Variants in EEFSEC observed in about 807,000 individuals in gnomAD.
EEFSEC encodes the protein eukaryotic elongation factor, selenocysteine-tRNA specific, also known as selenocysteine-specific elongation factor.
Under a neutral mutation model 42.1 loss-of-function variants are expected in EEFSEC, and 43 were observed. The observed-to-expected ratio is 1.02, with a 90% CI of 0.80 to 1.32. The LOEUF (loss-of-function observed/expected upper bound fraction) is 1.32. Among genes scored for constraint, EEFSEC ranks in the 40% most tolerant of loss-of-function variants. The pLI, the probability that EEFSEC is intolerant of heterozygous loss-of-function variation, is 0.00. For missense variants in EEFSEC, 745 were observed against 803.6 expected (o/e 0.93, Z 0.88); for synonymous variants, 354 against 339.1 (o/e 1.04, Z -0.48).
intron 1 of EEFSEC, among the ~76,000 whole-genome samples, chr3:128,225,460 G>C (rs2065899249): frequency 6.6e-6 from 1 of 152,232 alleles, no homozygotes; most frequent in South Asian, 2.1e-4. Context: ...TGCACTCGCT[G>C]TGTGTTTTGA....
chr3:128,198,228 A>G (rs542354055), intron 1 of EEFSEC, among the ~76,000 whole-genome samples: 2 of 152,318 alleles, frequency 1.3e-5, no homozygotes, highest in African/African-American at 2.4e-5. Context: ...CTATTTTTAC[A>G]TAGCTCTGGA....
intron 5 of EEFSEC, among the ~76,000 whole-genome samples, chr3:128,344,303 G>A (rs568062036): frequency 5.3e-5 from 8 of 152,286 alleles, no homozygotes; most frequent in African/African-American, 7.2e-5. Flanking sequence ...TTTTGAAACC[G>A]TTTAATAACC....
At chr3:128,255,168 C>T (rs2066228767) in intron 2 of EEFSEC, among the ~76,000 whole-genome samples, 1 of 152,052 alleles carries the variant, frequency 6.6e-6, no homozygotes, top group Non-Finnish European at 1.5e-5. Context: ...GGGGCTGTGG[C>T]CCTCATGGTC....
At chr3:128,267,981 A>G (rs1341004564) in intron 4 of EEFSEC, among the ~76,000 whole-genome samples, 1 of 152,270 alleles carries the variant, frequency 6.6e-6, no homozygotes, top group Non-Finnish European at 1.5e-5. Context: ...TTCTACAGAC[A>G]AGAAACAGGC....
At chr3:128,386,040 G>T (rs1280193004) in intron 6 of EEFSEC, among the ~76,000 whole-genome samples, 1 of 152,226 alleles carries the variant, frequency 6.6e-6, no homozygotes, top group Non-Finnish European at 1.5e-5. Context: ...TTTATGTCAA[G>T]GGAGACTGGA....
intron 1 of EEFSEC, among the ~76,000 whole-genome samples, chr3:128,184,094 T>C (rs570837434): frequency 1.0e-3 from 156 of 152,358 alleles, no homozygotes; most frequent in Non-Finnish European, 4.1e-4. Flanking sequence ...TTGATTGATC[T>C]GGCCTTCCAG....
At chr3:128,179,885 G>A (rs1301814032) in intron 1 of EEFSEC, among the ~76,000 whole-genome samples, 3 of 151,318 alleles carry the variant, frequency 2.0e-5, no homozygotes, top group African/African-American at 4.9e-5. Flanking sequence ...TCTTATCAGA[G>A]TAAAAAAAAA....
chr3:128,177,737 G>A (rs372729517), intron 1 of EEFSEC, among the ~76,000 whole-genome samples: 1 of 152,190 alleles, frequency 6.6e-6, no homozygotes, highest in African/African-American at 2.4e-5. Flanking sequence ...TAAACCAAGT[G>A]AGAAATAGCT....
At chr3:128,359,057 C>G (rs1324556897) in intron 6 of EEFSEC, among the ~76,000 whole-genome samples, 3 of 152,062 alleles carry the variant, frequency 2.0e-5, no homozygotes, top group Admixed American at 2.0e-4. Flanking sequence ...TAAAGAAATC[C>G]CTGTCAGATG....
chr3:128,178,438 T>C (rs1426386736), intron 1 of EEFSEC, among the ~76,000 whole-genome samples: 1 of 152,224 alleles, frequency 6.6e-6, no homozygotes, highest in African/African-American at 2.4e-5. Flanking sequence ...CAAATTATCA[T>C]GTGAATATTT....
intron 1 of EEFSEC, among the ~76,000 whole-genome samples, chr3:128,233,512 C>G (rs1187055719): frequency 6.6e-6 from 1 of 152,186 alleles, no homozygotes; most frequent in African/African-American, 2.4e-5. Context: ...AATCATGTCT[C>G]CAGTTATCCA....
intron 6 of EEFSEC, among the ~76,000 whole-genome samples, chr3:128,365,926 A>G (rs774958906): frequency 1.1e-4 from 17 of 152,182 alleles, no homozygotes; most frequent in East Asian, 9.6e-4. Context: ...TGGATGGCCA[A>G]TGTCTCTCCC....
At chr3:128,181,571 G>A (rs2065405957) in intron 1 of EEFSEC, among the ~76,000 whole-genome samples, 1 of 152,216 alleles carries the variant, frequency 6.6e-6, no homozygotes, top group Admixed American at 6.5e-5. Context: ...AGTGGAGACG[G>A]CGATAAGGAG....
At chr3:128,197,133 C>T (rs2065593394) in intron 1 of EEFSEC, among the ~76,000 whole-genome samples, 2 of 152,086 alleles carry the variant, frequency 1.3e-5, no homozygotes, top group Non-Finnish European at 1.5e-5. Context: ...CTGACTATTC[C>T]CTCTAGTGTT....
intron 1 of EEFSEC, among the ~76,000 whole-genome samples, chr3:128,190,109 C>G (rs1040652491): frequency 1.3e-5 from 2 of 152,180 alleles, no homozygotes; most frequent in African/African-American, 4.8e-5. Context: ...GCAATGCACC[C>G]GCCTCAGCCT....
chr3:128,390,530 G>C lies in EEFSEC; in HGVS notation c.1601-17539G>C, dbSNP rs528636228. Among the ~76,000 whole-genome samples, 22 of 152,342 alleles carry C rather than the reference G, an allele frequency of 1.4e-4. No homozygotes were observed. In the East Asian group the frequency reaches 4.2e-3, roughly 29 times the overall value. ...TAACCCAGAATGTTAGTTGCTTTGG[G>C]CTTCTGTGTCTGAAAGAGAGAGGCC... is the stretch of plus-strand genomic sequence containing the variant. On this transcript the variant is annotated intron_variant, in intron 6 of 6. Coordinates refer to ENST00000254730, the MANE Select transcript of EEFSEC (RefSeq NM_021937.5).
chr3:128,366,390 G>C (rs1267663317), intron 6 of EEFSEC, among the ~76,000 whole-genome samples: 4 of 152,248 alleles, frequency 2.6e-5, no homozygotes, highest in African/African-American at 4.8e-5. Flanking sequence ...CCCATGCCCT[G>C]TGCCAGGCAG....
chr3:128,411,105 G>C (rs940262626), downstream of EEFSEC, among the ~76,000 whole-genome samples: 1 of 152,184 alleles, frequency 6.6e-6, no homozygotes, highest in Non-Finnish European at 1.5e-5. Context: ...TAGTGGGGTC[G>C]GGCCAGGGCG....
intron 1 of EEFSEC, among the ~76,000 whole-genome samples, chr3:128,163,920 A>G (rs2107765074): frequency 6.8e-6 from 1 of 147,970 alleles, no homozygotes; most frequent in African/African-American, 2.6e-5. Flanking sequence ...TTTGGGAACC[A>G]GTATTGCATT....
Sources: allele counts gnomAD v4.1 joint callset (sites outside exome capture counted in the v4.1 genomes callset), GRCh38; gene constraint gnomAD v4.1.1; transcripts MANE v1.5; gene names NCBI Gene and HGNC (gene_info 2026-07-23, HGNC 2026-07-21).